The following C8orf74 variants were observed in gnomAD, a reference collection of about 807,000 sequenced individuals.
The protein encoded by C8orf74 is chromosome 8 open reading frame 74, also known as uncharacterized protein C8orf74.
In C8orf74, 29 loss-of-function variants were observed where a neutral mutation model predicts 22.2. The ratio of observed to expected loss-of-function variants is 1.31; its 90% CI spans 0.97 to 1.78. The LOEUF (loss-of-function observed/expected upper bound fraction) is 1.78. Among genes scored for constraint, C8orf74 ranks in the 40% most tolerant of loss-of-function variants. The pLI is 0.00. For missense variants in C8orf74, 515 were observed against 369.9 expected (o/e 1.39, Z -3.22); for synonymous variants, 255 against 163.1 (o/e 1.56, Z -4.30).
At chr8:10,675,298 C>G (rs1217628933) in intron 2 of C8orf74, among the ~76,000 whole-genome samples, 1 of 152,222 alleles carries the variant, frequency 6.6e-6, no homozygotes, top group Non-Finnish European at 1.5e-5. Flanking sequence ...ATGGAAGCAG[C>G]ATTGCCCACT....
chr8:10,697,399 T>C (rs1799543413), intron 2 of C8orf74, among the ~76,000 whole-genome samples, 200 bp from the exon 3 acceptor site: 1 of 152,150 alleles, frequency 6.6e-6, no homozygotes, highest in Admixed American at 6.5e-5. Context: ...TGCAGTGAGC[T>C]ACGATTGCAC....
At chr8:10,696,107 G>A (rs1449103948) in intron 2 of C8orf74, among the ~76,000 whole-genome samples, 3 of 152,030 alleles carry the variant, frequency 2.0e-5, no homozygotes, top group Non-Finnish European at 4.4e-5. Context: ...GCTCACCAGG[G>A]TAGGCATGTA....
At chr8:10,683,283 C>G (rs1207788500) in intron 2 of C8orf74, among the ~76,000 whole-genome samples, 6 of 152,236 alleles carry the variant, frequency 3.9e-5, no homozygotes, top group Admixed American at 1.3e-4. Flanking sequence ...CCCAGGCCTA[C>G]CTGGCAGGGT....
At chr8:10,684,237 AAT>A (rs1209296524) in intron 2 of C8orf74, among the ~76,000 whole-genome samples, 2 of 152,220 alleles carry the variant, frequency 1.3e-5, no homozygotes, top group Non-Finnish European at 2.9e-5. Context: ...ATCATCACAC[AAT>A]AGAGGGAAGA....
At chr8:10,691,043 T>A (rs1799370304) in intron 2 of C8orf74, 3 of 422,290 alleles carry the variant, frequency 7.1e-6, no homozygotes, top group Admixed American at 4.9e-5. Context: ...ACCAGGAACT[T>A]CTCAACCCGA....
At chr8:10,683,052 C>G (rs1350666419) in intron 2 of C8orf74, among the ~76,000 whole-genome samples, 1 of 152,232 alleles carries the variant, frequency 6.6e-6, no homozygotes, top group African/African-American at 2.4e-5. Flanking sequence ...ATTTGGACAA[C>G]GGGGACCTAT....
chr8:10,696,524 T>A (rs1365555217), intron 2 of C8orf74, among the ~76,000 whole-genome samples: 3 of 144,488 alleles, frequency 2.1e-5, no homozygotes. Context: ...CTCAGCTCAC[T>A]GCAACCTCCA....
intron 2 of C8orf74, among the ~76,000 whole-genome samples, chr8:10,676,770 C>T (rs963465839): frequency 2.0e-5 from 3 of 152,272 alleles, no homozygotes; most frequent in Admixed American, 1.3e-4. Flanking sequence ...GGCCCTGCCT[C>T]CCCACTGCTC....
At chr8:10,683,897 C>T (rs1404771487) in intron 2 of C8orf74, among the ~76,000 whole-genome samples, 3 of 152,226 alleles carry the variant, frequency 2.0e-5, no homozygotes, top group African/African-American at 7.2e-5. Context: ...TGCTGTTGCA[C>T]TGAAAGCTGC....
chr8:10,679,534 C>G (rs1419968607), intron 2 of C8orf74, among the ~76,000 whole-genome samples: 1 of 152,226 alleles, frequency 6.6e-6, no homozygotes, highest in African/African-American at 2.4e-5. Flanking sequence ...CAGCCGTTAT[C>G]TATCCTCCAT....
At chr8:10,676,517 T>C (rs960262215) in intron 2 of C8orf74, among the ~76,000 whole-genome samples, 6 of 152,228 alleles carry the variant, frequency 3.9e-5, no homozygotes, top group Admixed American at 3.9e-4. Context: ...CACCTCTGTT[T>C]GAAGGCATCC....
intron 2 of C8orf74, 53 bp downstream of exon 2, chr8:10,674,891 A>G (rs4840505): frequency 1 from 1,472,089 of 1,474,066 alleles, 735,084 homozygotes; most frequent in African/African-American, 1. Context: ...TGGGGTGGGT[A>G]CACATAGAAC....
At chr8:10,696,441 CTTTT>C (rs546082377) in intron 2 of C8orf74, among the ~76,000 whole-genome samples, 2,533 of 102,396 alleles carry the variant, frequency 0.025, 85 homozygotes, top group African/African-American at 0.095. Flanking sequence ...CTTTTCTTTT[CTTTT>C]TTTTTTTTTT....
chr8:10,690,371 G>C (rs1799350632), intron 2 of C8orf74, among the ~76,000 whole-genome samples: 1 of 152,066 alleles, frequency 6.6e-6, no homozygotes, highest in South Asian at 2.1e-4. Context: ...AGGGGTGAAG[G>C]AGTTTAGTAG....
intron 2 of C8orf74, 21 bp downstream of exon 2, chr8:10,674,859 G>C: frequency 6.4e-7 from 1 of 1,566,154 alleles, no homozygotes; most frequent in Non-Finnish European, 8.7e-7. Context: ...TCCAGGGCAG[G>C]AGTCAGCAGA....
chr8:10,700,237 GT>G lies in C8orf74; in HGVS notation c.653del (p.Leu218TrpfsTer33). 6.3e-7 allele frequency: 1 copy of G among 1,593,174 alleles called. No homozygotes were observed. Among genetic ancestry groups the G allele is most frequent in the Non-Finnish European group, 8.6e-7 (1 of 1,164,756 alleles). ...QPGQVLERQE[L>X]ESLICQAVHT... Reference sequence around the variant, plus strand: ...TCGGCCTTCCCCTTTCCTTCCAGGAGTTGGAGAGCCTCATCTGCCAGGCAGT... The same window carrying G: ...TCGGCCTTCCCCTTTCCTTCCAGGAGTGGAGAGCCTCATCTGCCAGGCAGT... On this transcript the variant is annotated frameshift_variant, in exon 4 of 4. Coordinates refer to ENST00000304519, the MANE Select transcript of C8orf74 (RefSeq NM_001040032.2). LOFTEE classifies it low-confidence loss of function (END_TRUNC).
chr8:10,698,921 ACACACACACACAC>A (rs1799592184), intron 3 of C8orf74, among the ~76,000 whole-genome samples: 1 of 151,212 alleles, frequency 6.6e-6, no homozygotes, highest in African/African-American at 2.4e-5. Flanking sequence ...ACACACACAC[ACACACACACACAC>A]ACACACACAC....
At chr8:10,687,387 C>T (rs1799283354) in intron 2 of C8orf74, 2 of 264,462 alleles carry the variant, frequency 7.6e-6, no homozygotes, top group South Asian at 3.6e-5. Context: ...CAATGGCTAA[C>T]ACATGTAATC....
chr8:10,683,742 T>C (rs7831469), intron 2 of C8orf74, among the ~76,000 whole-genome samples: 151,973 of 152,340 alleles, frequency 1, 75,815 homozygotes, highest in Middle Eastern at 1. Flanking sequence ...CCAACCCCCA[T>C]CTGACAGACA....
Sources: gnomAD v4.1 joint callset for allele counts (sites outside exome capture counted in the v4.1 genomes callset) on GRCh38, gnomAD v4.1.1 for gene constraint, MANE v1.5 for transcripts, NCBI Gene and HGNC (gene_info 2026-07-23, HGNC 2026-07-21) for gene names.